Variants in NCOR2 observed in about 807,000 individuals in gnomAD.
NCOR2 encodes nuclear receptor corepressor 2.
In NCOR2, 81 loss-of-function variants were observed where a neutral mutation model predicts 262.9. The ratio of observed to expected loss-of-function variants is 0.31; its 90% CI spans 0.26 to 0.37. The LOEUF is 0.37. Ranked by LOEUF, NCOR2 falls within the 10% of genes least tolerant of loss-of-function variation. The pLI, the probability that NCOR2 is intolerant of heterozygous loss-of-function variation, is 1.00. For synonymous variants in NCOR2, 1,659 were observed against 1,559.3 expected, an observed-to-expected ratio of 1.06 and a Z score of -1.51; for missense variants, 3,385 against 3,621.4, an observed-to-expected ratio of 0.93 and a Z score of 1.68.
chr12:124,487,929 G>C (rs882882), intron 1 of NCOR2, among the ~76,000 whole-genome samples: 77,448 of 151,236 alleles, frequency 0.51, 21,070 homozygotes, highest in Non-Finnish European at 0.6. Flanking sequence ...AACAAGACAG[G>C]CTTCACTTAC....
chr12:124,382,682 G>A (rs1370241533), intron 17 of NCOR2, among the ~76,000 whole-genome samples: 1 of 152,216 alleles, frequency 6.6e-6, no homozygotes, highest in Non-Finnish European at 1.5e-5. Flanking sequence ...CAGCCCAGCA[G>A]GAAAACCCCA....
chr12:124,420,068 G>GA lies in NCOR2; in HGVS notation c.1384-14dup, dbSNP rs1309318714. The GA allele has an allele frequency of 3.1e-6, 5 of 1,604,636 alleles. No individual in the cohort carries two copies. The highest frequency in any genetic ancestry group is 4.3e-6 in the Non-Finnish European group (5 of 1,173,702). On this transcript the variant is annotated splice_polypyrimidine_tract_variant and intron_variant, in intron 12 of 46. Coordinates refer to ENST00000405201, the Ensembl canonical transcript of NCOR2. ...ACTCAGCCACTGTCTGTGGGACAGAGAAAGAGGACGCTGAGCAGGGTACAG... is the reference window on the plus strand; with the variant it reads ...ACTCAGCCACTGTCTGTGGGACAGAGAAAAGAGGACGCTGAGCAGGGTACAG...
intron 1 of NCOR2, among the ~76,000 whole-genome samples, chr12:124,512,499 A>G (rs1200645829): frequency 6.6e-6 from 1 of 152,228 alleles, no homozygotes; most frequent in African/African-American, 2.4e-5. Context: ...ATCTCAAAAC[A>G]CATCTGCAAA....
chr12:124,522,988 T>C (rs2050269629), intron 1 of NCOR2, among the ~76,000 whole-genome samples: 1 of 152,126 alleles, frequency 6.6e-6, no homozygotes, highest in Non-Finnish European at 1.5e-5. Context: ...GCCTCCTGGA[T>C]GGGGAGGCCA....
chr12:124,359,317 C>T (rs1321116786), intron 22 of NCOR2, among the ~76,000 whole-genome samples: 1 of 152,218 alleles, frequency 6.6e-6, no homozygotes, highest in African/African-American at 2.4e-5. Flanking sequence ...TCCAGATGAA[C>T]AAAGGAGGTT....
At chr12:124,476,647 C>T (rs2047113203) in intron 3 of NCOR2, among the ~76,000 whole-genome samples, 1 of 152,208 alleles carries the variant, frequency 6.6e-6, no homozygotes, top group Admixed American at 6.5e-5. Flanking sequence ...GGAAAAGTTG[C>T]TGAAAACTTA....
At chr12:124,489,208 G>A (rs569816128) in intron 1 of NCOR2, among the ~76,000 whole-genome samples, 13 of 152,088 alleles carry the variant, frequency 8.5e-5, no homozygotes, top group East Asian at 3.9e-4. Context: ...AAACCACCTC[G>A]CCACGTCTCC....
chr12:124,502,857 G>A (rs2048820903), intron 1 of NCOR2, among the ~76,000 whole-genome samples: 1 of 152,164 alleles, frequency 6.6e-6, no homozygotes, highest in Non-Finnish European at 1.5e-5. Context: ...AAGGGCCCCT[G>A]TAACCCTGAA....
chr12:124,567,582 C>A (rs1368097493), upstream of NCOR2: 2 of 146,142 alleles, frequency 1.4e-5, no homozygotes, highest in Non-Finnish European at 1.5e-5. Context: ...CCCGCGGCTC[C>A]GCGCTCCCCG....
intron 1 of NCOR2, among the ~76,000 whole-genome samples, chr12:124,500,450 G>T (rs941296741): frequency 6.6e-6 from 1 of 152,206 alleles, no homozygotes; most frequent in South Asian, 2.1e-4. Context: ...TGCGGGCTTT[G>T]GTAAGGTTTC....
intron 5 of NCOR2, among the ~76,000 whole-genome samples, chr12:124,460,661 T>C (rs1402942289): frequency 6.6e-6 from 1 of 152,200 alleles, no homozygotes; most frequent in Non-Finnish European, 1.5e-5. Context: ...CCCAGTAACC[T>C]GTTTCTGGGG....
chr12:124,394,867 A>G (rs1049192484), intron 16 of NCOR2, among the ~76,000 whole-genome samples: 2 of 152,136 alleles, frequency 1.3e-5, no homozygotes, highest in Non-Finnish European at 2.9e-5. Flanking sequence ...CTTGAATCCC[A>G]CTGTACAGAT....
intron 6 of NCOR2, among the ~76,000 whole-genome samples, chr12:124,452,681 G>A (rs529004324): frequency 1.3e-5 from 2 of 152,340 alleles, no homozygotes; most frequent in South Asian, 2.1e-4. Flanking sequence ...GTGCTTCTGC[G>A]GCACAGGGCG....
At chr12:124,372,370 G>A in exon 20 of NCOR2, 1 of 1,512,138 alleles carries the variant, frequency 6.6e-7, no homozygotes, top group Non-Finnish European at 8.8e-7. Context: ...GGGGACCACA[G>A]GAGGAGGTGC....
chr12:124,335,858 GAC>G, intron 38 of NCOR2: 1 of 555,780 alleles, frequency 1.8e-6, no homozygotes, highest in Non-Finnish European at 3.2e-6. Context: ...GACAGAGACA[GAC>G]AGAGAGGGAG....
At chr12:124,348,107 G>A (rs564132394) in intron 29 of NCOR2, 67 bp downstream of exon 31, 25 of 1,596,022 alleles carry the variant, frequency 1.6e-5, no homozygotes, top group Admixed American at 1.0e-4. Context: ...TCTGTAAAAC[G>A]GGGTCAGCCA....
chr12:124,499,090 A>G (rs2048539482), upstream of NCOR2, among the ~76,000 whole-genome samples: 2 of 152,230 alleles, frequency 1.3e-5, no homozygotes, highest in South Asian at 4.1e-4. Flanking sequence ...CGAATAGGGA[A>G]AAAAATAAGC....
intron 13 of NCOR2, among the ~76,000 whole-genome samples, chr12:124,410,299 T>C (rs1325991312): frequency 3.3e-5 from 5 of 149,988 alleles, no homozygotes; most frequent in Admixed American, 6.7e-5. Flanking sequence ...GCAAAGGCCA[T>C]GTTGGTCTTT....
At chr12:124,370,173 G>A (rs1374319975) in intron 20 of NCOR2, among the ~76,000 whole-genome samples, 1 of 152,230 alleles carries the variant, frequency 6.6e-6, no homozygotes, top group African/African-American at 2.4e-5. Context: ...CATGAACACT[G>A]TTTTCCAAGC....
Sources: allele counts gnomAD v4.1 joint callset (sites outside exome capture counted in the v4.1 genomes callset), GRCh38; gene constraint gnomAD v4.1.1; transcripts MANE v1.5; gene names NCBI Gene and HGNC (gene_info 2026-07-23, HGNC 2026-07-21).